Variants in SNX25 observed in about 807,000 individuals in gnomAD.
SNX25 encodes the protein sorting nexin 25.
SNX25 carries 62 observed loss-of-function variants against 113.7 expected under a neutral mutation model. That is an observed-to-expected ratio of 0.55 (90% CI 0.44 to 0.67). SNX25 has a LOEUF of 0.67. SNX25 is among the 30% of genes least tolerant of loss of function. The pLI, the probability that SNX25 is intolerant of heterozygous loss-of-function variation, is 0.00. For missense variants in SNX25, 1,014 were observed against 1,161.0 expected, an observed-to-expected ratio of 0.87 and a Z score of 1.84; for synonymous variants, 421 against 436.2, an observed-to-expected ratio of 0.97 and a Z score of 0.43.
At chr4:185,262,441 G>A (rs1440248560) in intron 3 of SNX25, among the ~76,000 whole-genome samples, 1 of 151,958 alleles carries the variant, frequency 6.6e-6, no homozygotes, top group East Asian at 1.9e-4. Context: ...TACAGTTTGA[G>A]GGAAAAAAAG....
At chr4:185,280,478 TG>T in intron 5 of SNX25, among the ~76,000 whole-genome samples, 1 of 152,336 alleles carries the variant, frequency 6.6e-6, no homozygotes, top group East Asian at 1.9e-4. Flanking sequence ...ATAGTCCAAA[TG>T]TTAATAGTGG....
intron 5 of SNX25, among the ~76,000 whole-genome samples, chr4:185,268,144 G>A (rs1409177244): frequency 1.1e-4 from 16 of 152,192 alleles, no homozygotes; most frequent in Non-Finnish European, 1.6e-4. Flanking sequence ...CTCTTCAGAT[G>A]TCGGGAGTAC....
intron 14 of SNX25, 54 bp from the exon 15 acceptor site, chr4:185,353,430 CT>C: frequency 1.5e-6 from 2 of 1,371,208 alleles, no homozygotes; most frequent in South Asian, 2.4e-5. Context: ...GAGAACAACT[CT>C]ACCAATTTTC....
chr4:185,242,671 T>C (rs1744247724), intron 1 of SNX25, among the ~76,000 whole-genome samples: 1 of 152,170 alleles, frequency 6.6e-6, no homozygotes, highest in African/African-American at 2.4e-5. Context: ...CACTGAGCCC[T>C]GTCCTCTGGA....
intron 10 of SNX25, 24 bp from the exon 11 acceptor site, chr4:185,339,355 C>T (rs2095248555): frequency 6.2e-7 from 1 of 1,611,566 alleles, no homozygotes; most frequent in Non-Finnish European, 8.5e-7. Context: ...TTTCATAACT[C>T]CCAGGATATT....
At chr4:185,241,678 TAAAG>T (rs1744078810) in intron 1 of SNX25, among the ~76,000 whole-genome samples, 1 of 151,810 alleles carries the variant, frequency 6.6e-6, no homozygotes, top group African/African-American at 2.4e-5. Context: ...ACTGAAAACT[TAAAG>T]CAAGAGTAGA....
At chr4:185,228,997 T>C (rs941096977) in intron 1 of SNX25, among the ~76,000 whole-genome samples, 1 of 152,220 alleles carries the variant, frequency 6.6e-6, no homozygotes, top group Non-Finnish European at 1.5e-5. Context: ...TGTGCTCTGC[T>C]GTCTCATAAG....
chr4:185,349,733 T>G (rs1455762002), intron 13 of SNX25, among the ~76,000 whole-genome samples: 1 of 152,228 alleles, frequency 6.6e-6, no homozygotes, highest in East Asian at 1.9e-4. Flanking sequence ...GATTATTGTG[T>G]GTGTGTGTGT....
intron 6 of SNX25, among the ~76,000 whole-genome samples, chr4:185,305,440 G>A (rs1754325341): frequency 6.6e-6 from 1 of 152,142 alleles, no homozygotes; most frequent in Non-Finnish European, 1.5e-5. Context: ...AAGCACAGTG[G>A]TGCCATTTTA....
chr4:185,209,897 G>T lies in SNX25; in HGVS notation c.71G>T (p.Arg24Leu), dbSNP rs1737465961. 3 of 983,360 alleles carry T rather than the reference G, an allele frequency of 3.1e-6. No homozygotes were observed. Among genetic ancestry groups the T allele is most frequent in the South Asian group, 9.4e-5 (2 of 21,286 alleles). The allele number at this position is 983,360 out of a possible 1,614,324, so 60.9% of individuals were successfully genotyped here. The part of the protein sequence containing the change: ...SPARAAGAGG[R>L]PVSGFRGERR... ...GCGCGGGCCGCAGGCGCCGGCGGCCGTCCTGTCTCGGGCTTCAGGGGCGAG... is the reference window on the plus strand; with the variant it reads ...GCGCGGGCCGCAGGCGCCGGCGGCCTTCCTGTCTCGGGCTTCAGGGGCGAG... The change falls in exon 1 of 19, where the codon CGT becomes CTT. Residue 24 changes from arginine to leucine, a missense_variant. Physicochemically the swap from Arg to Leu is moderately radical, Grantham distance 102 (BLOSUM62 -2). Transcript: ENST00000652585. This position sits in a 1 kb window ranked among gnomAD's most constrained non-coding sequence, Gnocchi z 5.2.
intron 3 of SNX25, among the ~76,000 whole-genome samples, chr4:185,259,517 T>C (rs1051174506): frequency 6.6e-6 from 1 of 152,192 alleles, no homozygotes; most frequent in Non-Finnish European, 1.5e-5. Context: ...TATTGGAGCT[T>C]CTGGGCTTTA....
intron 7 of SNX25, among the ~76,000 whole-genome samples, chr4:185,314,346 T>C (rs201786747): frequency 7.3e-6 from 1 of 136,620 alleles, no homozygotes. Flanking sequence ...AAAAAAAAAT[T>C]AAAAGAAGCT....
intron 8 of SNX25, among the ~76,000 whole-genome samples, chr4:185,322,230 A>C (rs2095125669): frequency 1.3e-5 from 2 of 152,202 alleles, no homozygotes; most frequent in African/African-American, 4.8e-5. Flanking sequence ...CAGGAGTTCA[A>C]GACCAGCCTG....
chr4:185,374,002 G>T, downstream of SNX25: 1 of 737,408 alleles, frequency 1.4e-6, no homozygotes, highest in Non-Finnish European at 2.2e-6. Context: ...ATCCTAAAAT[G>T]TATGCTTTCT....
chr4:185,351,249 G>A (rs370133393), intron 13 of SNX25, among the ~76,000 whole-genome samples, 196 bp from the exon 14 acceptor site: 22 of 152,326 alleles, frequency 1.4e-4, no homozygotes, highest in Admixed American at 7.2e-4. Flanking sequence ...TTAACCTGGA[G>A]GGGATTGTTT....
chr4:185,374,744 G>A (rs1022851775), downstream of SNX25, among the ~76,000 whole-genome samples: 74 of 152,062 alleles, frequency 4.9e-4, no homozygotes, highest in East Asian at 1.9e-4. Context: ...CTCGATATGG[G>A]CTTCCTTTTT....
At chr4:185,364,639 C>T (rs2126766848), downstream of SNX25, 1 of 152,066 alleles carries the variant, frequency 6.6e-6, no homozygotes, top group South Asian at 2.1e-4. Flanking sequence ...AAATGTTATC[C>T]TTAAGATTTT....
the SNX25 span, chr4:185,375,637 A>C: frequency 6.2e-7 from 1 of 1,610,272 alleles, no homozygotes; most frequent in Non-Finnish European, 8.5e-7. Flanking sequence ...TCCCCAGCCC[A>C]TCATAGTACA....
At chr4:185,287,840 G>T (rs1299461495) in intron 5 of SNX25, among the ~76,000 whole-genome samples, 172 bp from the exon 6 acceptor site, 1 of 152,156 alleles carries the variant, frequency 6.6e-6, no homozygotes, top group Non-Finnish European at 1.5e-5. Context: ...GCGTGGCATG[G>T]GGCCCGGCCT....
Sources: allele counts gnomAD v4.1 joint callset (sites outside exome capture counted in the v4.1 genomes callset), GRCh38; gene constraint gnomAD v4.1.1; non-coding constraint Gnocchi (gnomAD v3.1); transcripts MANE v1.5; gene names NCBI Gene and HGNC (gene_info 2026-07-23, HGNC 2026-07-21).